The following BMPR2 variants were observed in gnomAD, a reference collection of about 807,000 sequenced individuals.
BMPR2 encodes bone morphogenetic protein receptor type-2.
A neutral mutation model predicts 100.8 loss-of-function variants in BMPR2; 29 were observed. The ratio of observed to expected loss-of-function variants is 0.29; its 90% CI spans 0.21 to 0.39. The LOEUF (loss-of-function observed/expected upper bound fraction) is 0.39, where lower values mean the gene tolerates loss of function less well. Among genes scored for constraint, BMPR2 ranks in the 10% least tolerant of loss-of-function variants. BMPR2 has a pLI of 1.00. For synonymous variants in BMPR2, 382 were observed against 442.3 expected, an observed-to-expected ratio of 0.86 and a Z score of 1.71; for missense variants, 1,011 against 1,274.5, an observed-to-expected ratio of 0.79 and a Z score of 3.15.
intron 1 of BMPR2, among the ~76,000 whole-genome samples, chr2:202,444,120 A>G (rs1187759357): frequency 6.6e-6 from 1 of 150,710 alleles, no homozygotes; most frequent in African/African-American, 2.5e-5. Context: ...GCCCTAAAGA[A>G]AGAGATACAG....
intron 8 of BMPR2, among the ~76,000 whole-genome samples, chr2:202,531,814 T>A (rs966629595): frequency 1.3e-5 from 2 of 150,088 alleles, no homozygotes; most frequent in Non-Finnish European, 3.0e-5. Flanking sequence ...GTAATTTTAG[T>A]AGATACGAGG....
chr2:202,461,910 A>T (rs538544390), intron 1 of BMPR2, among the ~76,000 whole-genome samples: 87 of 151,788 alleles, frequency 5.7e-4, no homozygotes, highest in African/African-American at 2.1e-3. Context: ...TTTATCATTC[A>T]ATTTCTTTTT....
At chr2:202,519,973 C>A in intron 6 of BMPR2, 114 bp from the exon 7 acceptor site, 2 of 698,832 alleles carry the variant, frequency 2.9e-6, no homozygotes, top group South Asian at 1.6e-5. Flanking sequence ...TTCATTAGAT[C>A]TTCATGGAAT....
At chr2:202,553,034 C>T in intron 11 of BMPR2, 146 bp downstream of exon 11, 1 of 1,121,028 alleles carries the variant, frequency 8.9e-7, no homozygotes, top group Admixed American at 2.2e-5. Context: ...TTTCAATATT[C>T]CTATTCTTCT....
In BMPR2 at chr2:202,565,942, T is replaced by C. The variant is rs1688753128; in HGVS notation, c.*5996T>C. On this transcript the variant is annotated 3_prime_UTR_variant, in exon 13 of 13. Transcript: ENST00000374580. ...TAAAACTAGGCTCAAAATAAATCTATCGTATCTTTAAAAGTCCAATTCTGT... is the reference window on the plus strand; with the variant it reads ...TAAAACTAGGCTCAAAATAAATCTACCGTATCTTTAAAAGTCCAATTCTGT... 1 of 152,182 alleles carries C rather than the reference T, an allele frequency of 6.6e-6. No homozygotes were observed. Among genetic ancestry groups the C allele is most frequent in the Non-Finnish European group, 1.5e-5 (1 of 67,988 alleles). The allele number at this position is 152,182 out of a possible 1,614,324, so 9.4% of individuals were successfully genotyped here. A position where few individuals can be genotyped will look rare whatever the true frequency, so the allele number is the denominator to read the frequency against.
At chr2:202,392,073 CTTTTTT>C (rs771003835) in intron 1 of BMPR2, among the ~76,000 whole-genome samples, 2 of 135,634 alleles carry the variant, frequency 1.5e-5, no homozygotes, top group African/African-American at 5.4e-5. Flanking sequence ...AGTCTACACT[CTTTTTT>C]TTTTTTTTTG....
intron 1 of BMPR2, among the ~76,000 whole-genome samples, chr2:202,426,959 G>A (rs1412122679): frequency 3.9e-5 from 6 of 152,160 alleles, no homozygotes; most frequent in Non-Finnish European, 8.8e-5. Flanking sequence ...AAACCACTAA[G>A]GAAGTCATTA....
chr2:202,496,083 T>G (rs561559281), intron 3 of BMPR2, among the ~76,000 whole-genome samples: 1 of 152,344 alleles, frequency 6.6e-6, no homozygotes, highest in African/African-American at 2.4e-5. Context: ...TGGAACCTAC[T>G]CTATGATTAA....
At chr2:202,399,421 C>T (rs1355841395) in intron 1 of BMPR2, among the ~76,000 whole-genome samples, 2 of 151,996 alleles carry the variant, frequency 1.3e-5, no homozygotes, top group East Asian at 1.9e-4. Context: ...TGTTGTGGCT[C>T]GAATGTTGTG....
At chr2:202,415,792 C>T (rs1691115194) in intron 1 of BMPR2, among the ~76,000 whole-genome samples, 1 of 152,184 alleles carries the variant, frequency 6.6e-6, no homozygotes, top group Non-Finnish European at 1.5e-5. Flanking sequence ...TATTACTGAT[C>T]ATTGACAATG....
intron 3 of BMPR2, among the ~76,000 whole-genome samples, chr2:202,476,652 G>T (rs1692557990): frequency 6.6e-6 from 1 of 152,092 alleles, no homozygotes; most frequent in African/African-American, 2.4e-5. Context: ...AGCTGGGTGT[G>T]GTGGCATGCG....
At chr2:202,500,194 C>T (rs185520561) in intron 3 of BMPR2, among the ~76,000 whole-genome samples, 6 of 152,286 alleles carry the variant, frequency 3.9e-5, no homozygotes, top group East Asian at 1.9e-4. Context: ...TGGACACTGG[C>T]GCAGCCTTCT....
chr2:202,525,857 CTTTT>C (rs386392340), intron 7 of BMPR2, among the ~76,000 whole-genome samples: 1 of 69,362 alleles, frequency 1.4e-5, no homozygotes, highest in Non-Finnish European at 2.5e-5. Context: ...TTCAGAGCAT[CTTTT>C]TTTTTTTTTT....
At chr2:202,427,380 A>G (rs1362422215) in intron 1 of BMPR2, among the ~76,000 whole-genome samples, 2 of 141,080 alleles carry the variant, frequency 1.4e-5, no homozygotes, top group African/African-American at 5.1e-5. Flanking sequence ...AAAAAAAAAA[A>G]GGGCAGGTAT....
rs142682022 is a variant in BMPR2 at position 202,379,695 on chromosome 2, C to T, written c.76+2145C>T. Among the ~76,000 whole-genome samples the T allele has an allele frequency of 2.8e-3, 428 of 152,230 alleles. 2 individuals carry two copies. Among genetic ancestry groups the T allele is most frequent in the African/African-American group, 8.4e-3 (347 of 41,544 alleles). ...GATGCAGTGATGTTAACTCGACAGG[C>T]GCAAATGGTGCAGCTGAACAGGAAA... On this transcript the variant is annotated intron_variant, in intron 1 of 12. Transcript: ENST00000374580.
chr2:202,533,681 GGCGTGGTGGCGAGCACCTGTAGTCCCA>G (rs1266785537), intron 9 of BMPR2, among the ~76,000 whole-genome samples: 5 of 152,070 alleles, frequency 3.3e-5, no homozygotes, highest in Non-Finnish European at 5.9e-5. Context: ...AAATTAGCCA[GGCGTGGTGGCGAGCACCTGTAGTCCCA>G]GCTACTCGGG....
intron 7 of BMPR2, among the ~76,000 whole-genome samples, chr2:202,529,229 A>G (rs1483128030): frequency 1.3e-5 from 2 of 152,200 alleles, no homozygotes; most frequent in African/African-American, 4.8e-5. Context: ...TAGATTGACT[A>G]TTTTTGGTCA....
chr2:202,520,946 T>C (rs919503850), intron 7 of BMPR2: 4 of 155,534 alleles, frequency 2.6e-5, no homozygotes, highest in Non-Finnish European at 4.3e-5. Context: ...GAGAAGAACA[T>C]TGACAAATAC....
At chr2:202,421,657 AG>A (rs1224082528) in intron 1 of BMPR2, among the ~76,000 whole-genome samples, 1 of 151,246 alleles carries the variant, frequency 6.6e-6, no homozygotes, top group Non-Finnish European at 1.5e-5. Context: ...AAAAAAAAAA[AG>A]AATTTGGAAG....
Sources: allele counts gnomAD v4.1 joint callset (sites outside exome capture counted in the v4.1 genomes callset), GRCh38; gene constraint gnomAD v4.1.1; transcripts MANE v1.5; gene names NCBI Gene and HGNC (gene_info 2026-07-23, HGNC 2026-07-21).